The following DMD variants were observed in gnomAD, a reference collection of about 807,000 sequenced individuals.
DMD encodes the protein mutant dystrophin.
In DMD, 63 loss-of-function variants were observed where a neutral mutation model predicts 330.1. The observed-to-expected ratio is 0.19, with a 90% CI of 0.16 to 0.24. The LOEUF is 0.24. Among genes scored for constraint, DMD ranks in the 10% least tolerant of loss-of-function variants. The pLI, the probability that DMD is intolerant of heterozygous loss-of-function variation, is 1.00. For missense variants in DMD, 3,344 were observed against 2,684.1 expected, an observed-to-expected ratio of 1.25 and a Z score of -5.43; for synonymous variants, 1,223 against 959.8, an observed-to-expected ratio of 1.27 and a Z score of -5.07.
At chrX:31,380,592 T>C (rs2060127189) in intron 60 of DMD, among the ~76,000 whole-genome samples, 1 of 111,295 alleles carries the variant, frequency 9.0e-6, no homozygotes, top group South Asian at 3.8e-4. Context: ...AATTCCCCCA[T>C]TTTACCTGTC....
chrX:32,163,370 G>A (rs1603627446), intron 44 of DMD, among the ~76,000 whole-genome samples: 1 of 112,171 alleles, frequency 8.9e-6, no homozygotes, highest in East Asian at 2.8e-4. Context: ...TCCACTCCGT[G>A]GCTAGAACAA....
chrX:33,142,632 T>C (rs970951410), intron 1 of DMD, among the ~76,000 whole-genome samples: 1 of 112,190 alleles, frequency 8.9e-6, no homozygotes, highest in Non-Finnish European at 1.9e-5. Flanking sequence ...TAAATGAAAG[T>C]GACAGGCTCT....
At chrX:33,265,306 T>C (rs2053025077) in intron 1 of DMD, among the ~76,000 whole-genome samples, 1 of 111,034 alleles carries the variant, frequency 9.0e-6, no homozygotes, top group South Asian at 3.8e-4. Context: ...AGAATTTCCA[T>C]GAAATCTCCA....
At chrX:33,028,854 C>CT (rs1048981045) in intron 1 of DMD, among the ~76,000 whole-genome samples, 20 of 111,876 alleles carry the variant, frequency 1.8e-4, no homozygotes, top group Admixed American at 2.9e-4. Context: ...TCTCATCTTG[C>CT]TTACACTCAC....
chrX:31,726,920 AAAG>A (rs755619125), intron 52 of DMD, among the ~76,000 whole-genome samples: 4 of 112,191 alleles, frequency 3.6e-5, no homozygotes, highest in Non-Finnish European at 3.8e-5. Context: ...AAAGCTTAGA[AAAG>A]AAGAACTATT....
chrX:32,459,771 G>A (rs1026075567), intron 25 of DMD, among the ~76,000 whole-genome samples: 1 of 111,004 alleles, frequency 9.0e-6, no homozygotes, highest in African/African-American at 3.3e-5. Context: ...CAGATCTAAT[G>A]GGATCTGTTA....
chrX:33,119,088 T>TC (rs1482344299), intron 1 of DMD, among the ~76,000 whole-genome samples: 1 of 112,672 alleles, frequency 8.9e-6, no homozygotes, highest in Non-Finnish European at 1.9e-5. Flanking sequence ...ACTGATCACT[T>TC]CAGTGCTACA....
intron 43 of DMD, among the ~76,000 whole-genome samples, chrX:32,218,957 T>G (rs947490758): frequency 8.9e-6 from 1 of 112,025 alleles, no homozygotes; most frequent in Non-Finnish European, 1.9e-5. Flanking sequence ...CTTATTTTTA[T>G]TAACTACCCA....
At chrX:33,007,439 T>C (rs1280612477) in intron 2 of DMD, among the ~76,000 whole-genome samples, 1 of 111,351 alleles carries the variant, frequency 9.0e-6, no homozygotes, top group East Asian at 2.8e-4. Flanking sequence ...AGTGAGGCTT[T>C]TCCAGGACCC....
At chrX:32,771,718 G>T (rs185681781) in intron 7 of DMD, among the ~76,000 whole-genome samples, 1 of 111,385 alleles carries the variant, frequency 9.0e-6, no homozygotes, top group Non-Finnish European at 1.9e-5. Flanking sequence ...TACCACTTTT[G>T]CTATTTCAGA....
At chrX:32,076,683 A>C in intron 44 of DMD, among the ~76,000 whole-genome samples, 1 of 111,774 alleles carries the variant, frequency 8.9e-6, no homozygotes, top group South Asian at 3.8e-4. Context: ...CCGGCCCATA[A>C]GATTTCTTTA....
intron 1 of DMD, among the ~76,000 whole-genome samples, chrX:33,093,705 G>T (rs2095116195): frequency 9.0e-6 from 1 of 111,292 alleles, no homozygotes; most frequent in South Asian, 3.7e-4. Context: ...AACATGTTTT[G>T]ATTGAAACGG....
chrX:32,319,646 C>T (rs576407458), intron 41 of DMD, among the ~76,000 whole-genome samples: 1 of 111,351 alleles, frequency 9.0e-6, no homozygotes, highest in Non-Finnish European at 1.9e-5. Flanking sequence ...TAGCTACATG[C>T]TATTGTACAT....
At chrX:31,861,748 C>A (rs758946165) in intron 48 of DMD, among the ~76,000 whole-genome samples, 3 of 102,105 alleles carry the variant, frequency 2.9e-5, no homozygotes, top group African/African-American at 7.2e-5. Context: ...CACACACACA[C>A]ACACACACAC....
At chrX:32,513,971 C>A (rs1014031369) in intron 18 of DMD, among the ~76,000 whole-genome samples, 5 of 111,645 alleles carry the variant, frequency 4.5e-5, no homozygotes, top group African/African-American at 1.3e-4. Flanking sequence ...TTAATAGGTT[C>A]TAGTTCTACA....
At chrX:31,157,873 A>C (rs977089376) in intron 74 of DMD, among the ~76,000 whole-genome samples, 1 of 106,317 alleles carries the variant, frequency 9.4e-6, no homozygotes, top group African/African-American at 3.5e-5. Context: ...GTGTAATCAT[A>C]GCTCACTGTA....
intron 59 of DMD, among the ~76,000 whole-genome samples, chrX:31,473,708 T>A (rs1436863364): frequency 1.5e-5 from 1 of 64,845 alleles, no homozygotes; most frequent in African/African-American, 1.0e-4. Flanking sequence ...TGAGACTCTG[T>A]CTCAAAAAAA....
intron 34 of DMD, among the ~76,000 whole-genome samples, chrX:32,371,798 A>G (rs2097879542): frequency 9.0e-6 from 1 of 111,551 alleles, no homozygotes; most frequent in African/African-American, 3.2e-5. Context: ...ACTAACAAAC[A>G]ATATTTGAAA....
intron 44 of DMD, among the ~76,000 whole-genome samples, chrX:32,007,544 T>C (rs2095671478): frequency 9.0e-6 from 1 of 111,296 alleles, no homozygotes; most frequent in Non-Finnish European, 1.9e-5. Flanking sequence ...TTATCCTATA[T>C]TGCCAAGTGC....
Sources: gnomAD v4.1 joint callset for allele counts (sites outside exome capture counted in the v4.1 genomes callset) on GRCh38, gnomAD v4.1.1 for gene constraint, MANE v1.5 for transcripts, NCBI Gene and HGNC (gene_info 2026-07-23, HGNC 2026-07-21) for gene names.